The following STK32B variants were observed in gnomAD, a reference collection of about 807,000 sequenced individuals.
The protein encoded by STK32B is serine/threonine kinase 32B, also known as serine/threonine-protein kinase 32B.
In STK32B, 43 loss-of-function variants were observed where a neutral mutation model predicts 52.6. That is an observed-to-expected ratio of 0.82 (90% CI 0.64 to 1.05). The LOEUF is 1.05. Ranked by LOEUF, STK32B falls within the 50% of genes least tolerant of loss-of-function variation. The pLI is 0.00. For missense variants in STK32B, 621 were observed against 534.6 expected (o/e 1.16, Z -1.59); for synonymous variants, 238 against 204.3 (o/e 1.17, Z -1.41).
At position 5,234,519 on chromosome 4, in the gene STK32B, A is replaced by T. The variant is rs1724496679; in HGVS notation, c.260+66069A>T. ...GCACATAGAAAGGGCTCAATAAAAA[A>T]TATTGATTAAATCTGTACCTATCAA... On this transcript the variant is annotated intron_variant, in intron 3 of 11. Transcript: ENST00000282908. Among the ~76,000 whole-genome samples the T allele has an allele frequency of 2.0e-5, 3 of 151,896 alleles. No homozygotes were observed. In the South Asian group the frequency reaches 6.2e-4, roughly 32 times the overall value.
In STK32B at chr4:5,499,913, C is replaced by T. The variant is rs1190179299; in HGVS notation, c.*830C>T. ...GAAAGCCCAGACCTGCAGCAGAACT[C>T]TCCAACTCTCTATCAGCTTTCAGGG... On this transcript the variant is annotated 3_prime_UTR_variant, in exon 12 of 12. Transcript: ENST00000282908. The T allele has an allele frequency of 1.3e-5, 2 of 152,340 alleles. No individual in the cohort carries two copies. The highest frequency in any genetic ancestry group is 2.9e-5 in the Non-Finnish European group (2 of 68,140). 9.4% of individuals were successfully genotyped at this position (152,340 alleles called of 1,614,324 possible).
intron 1 of STK32B, among the ~76,000 whole-genome samples, chr4:5,062,971 G>A (rs1742273395): frequency 6.6e-6 from 1 of 152,124 alleles, no homozygotes; most frequent in African/African-American, 2.4e-5. Flanking sequence ...TTACTATAGT[G>A]TAACTCATTT....
chr4:5,148,358 T>C (rs1717085211), intron 2 of STK32B, among the ~76,000 whole-genome samples: 1 of 151,808 alleles, frequency 6.6e-6, no homozygotes, highest in South Asian at 2.1e-4. Context: ...GACATTTTGT[T>C]CTAATATAAG....
chr4:5,102,830 A>C, intron 1 of STK32B, among the ~76,000 whole-genome samples: 1 of 134,786 alleles, frequency 7.4e-6, no homozygotes, highest in South Asian at 2.7e-4. Flanking sequence ...GGCGTGAGTC[A>C]CCGCACTCGA....
At chr4:5,272,031 C>T (rs201565249) in intron 3 of STK32B, among the ~76,000 whole-genome samples, 4,657 of 145,668 alleles carry the variant, frequency 0.032, 123 homozygotes, top group African/African-American at 0.073. Context: ...GCCAGAACTT[C>T]CAACACTATG....
At position 5,272,791 on chromosome 4, in the gene STK32B, T is replaced by G. The variant is rs866498078; in HGVS notation, c.261-58429T>G. 7.6e-3 allele frequency among the ~76,000 whole-genome samples: 1,046 copies of G among 138,074 alleles called. 5 individuals carry two copies. Among genetic ancestry groups the G allele is most frequent in the African/African-American group, 0.024 (886 of 36,632 alleles). The allele number at this position is 138,074 out of a possible 152,430, so 90.6% of individuals were successfully genotyped here. A position where few individuals can be genotyped will look rare whatever the true frequency, so the allele number is the denominator to read the frequency against. On this transcript the variant is annotated intron_variant, in intron 3 of 11. Transcript: ENST00000282908. ...GCTGGGAAAACTGGCTAGCCATATG[T>G]AGAAAGCTGAAACTGGATCCCTTCC...
At chr4:5,192,204 C>G (rs1721263176) in intron 3 of STK32B, among the ~76,000 whole-genome samples, 1 of 152,200 alleles carries the variant, frequency 6.6e-6, no homozygotes, top group South Asian at 2.1e-4. Flanking sequence ...ATGACATTTT[C>G]TTAGAAAACC....
chr4:5,154,587 T>A (rs772552010), intron 2 of STK32B, among the ~76,000 whole-genome samples: 8 of 152,126 alleles, frequency 5.3e-5, no homozygotes, highest in Non-Finnish European at 1.2e-4. Context: ...AGGATCTGGG[T>A]ATCCACATGG....
At chr4:5,410,343 G>A (rs1711568007) in intron 5 of STK32B, among the ~76,000 whole-genome samples, 2 of 151,748 alleles carry the variant, frequency 1.3e-5, no homozygotes, top group Non-Finnish European at 2.9e-5. Flanking sequence ...GATGGGGAGA[G>A]ATGTTCACCT....
rs139744392 is a variant in STK32B, at chr4:5,410,588, G to A, written c.473-6257G>A. On this transcript the variant is annotated intron_variant, in intron 5 of 11. Coordinates refer to ENST00000282908, the MANE Select transcript of STK32B (RefSeq NM_018401.3). ...CAGACGTCCTCTTCTCCCAGGCTGT[G>A]GTCTTGGAGGTCCCAGTAAGACTGC... is the stretch of plus-strand genomic sequence containing the variant. Among the ~76,000 whole-genome samples, 384 of 152,238 alleles carry A rather than the reference G, an allele frequency of 2.5e-3. 5 individuals carry two copies. Among genetic ancestry groups the A allele is most frequent in the Admixed American group, 0.016 (245 of 15,290 alleles).
At chr4:5,424,979 A>G (rs778577030) in intron 6 of STK32B, among the ~76,000 whole-genome samples, 10 of 152,336 alleles carry the variant, frequency 6.6e-5, no homozygotes, top group Admixed American at 2.0e-4. Flanking sequence ...GCCACAGTGG[A>G]AGCCACTTGC....
Position 5,453,731 on chromosome 4 carries a change from C to T in STK32B, c.667-3076C>T, listed in dbSNP as rs187006230. Reference sequence around the variant, plus strand: ...CCAACCTGGCCAACATGGTAAAACCCGGTCTCTACTAAAAATAAAAAAGAT... The same window carrying T: ...CCAACCTGGCCAACATGGTAAAACCTGGTCTCTACTAAAAATAAAAAAGAT... On this transcript the variant is annotated intron_variant, in intron 7 of 11. Coordinates refer to ENST00000282908, the MANE Select transcript of STK32B (RefSeq NM_018401.3). The surrounding 1 kb of genome is among the most constrained non-coding windows in gnomAD (Gnocchi z 4.0). Among the ~76,000 whole-genome samples, 4 of 152,070 alleles carry T rather than the reference C, an allele frequency of 2.6e-5. No individual in the cohort carries two copies. Among genetic ancestry groups the T allele is most frequent in the African/African-American group, 7.2e-5 (3 of 41,434 alleles).
chr4:5,416,981 T>A, intron 6 of STK32B, 47 bp downstream of exon 6: 1 of 1,526,462 alleles, frequency 6.6e-7, no homozygotes, highest in Non-Finnish European at 8.9e-7. Flanking sequence ...GCTCACTGCC[T>A]AAGACTCAGC....
At chr4:5,032,368 G>C in the STK32B span, among the ~76,000 whole-genome samples, 2 of 151,290 alleles carry the variant, frequency 1.3e-5, no homozygotes, top group Non-Finnish European at 2.9e-5. Flanking sequence ...AGCTACTCAG[G>C]AGGCTGAGGT....
At chr4:5,390,506 G>A (rs541910034) in intron 4 of STK32B, among the ~76,000 whole-genome samples, 34 of 152,232 alleles carry the variant, frequency 2.2e-4, no homozygotes, top group African/African-American at 7.5e-4. Context: ...CATATTTTCA[G>A]TAACCCTTTT....
rs1046200958 is a variant in STK32B, at chr4:5,124,708, G to T, written c.53-15197G>T. 2.0e-5 allele frequency among the ~76,000 whole-genome samples: 3 copies of T among 152,232 alleles called. No homozygotes were observed. In the East Asian group the frequency reaches 5.8e-4, roughly 29 times the overall value. Reference sequence around the variant, plus strand: ...TGTGTGCACACATGTGTACATGTCTGTGTGCATGCACCTGTATGCATGTGT... The same window carrying T: ...TGTGTGCACACATGTGTACATGTCTTTGTGCATGCACCTGTATGCATGTGT... On this transcript the variant is annotated intron_variant, in intron 1 of 11. Transcript: ENST00000282908.
intron 2 of STK32B, among the ~76,000 whole-genome samples, chr4:5,143,605 A>C (rs1000049483): frequency 1.3e-5 from 2 of 152,186 alleles, no homozygotes; most frequent in Non-Finnish European, 2.9e-5. Context: ...AACAGATCTC[A>C]GGACCAGTTC....
intron 3 of STK32B, among the ~76,000 whole-genome samples, chr4:5,320,445 G>A (rs1300226485): frequency 6.6e-6 from 1 of 152,096 alleles, no homozygotes; most frequent in Non-Finnish European, 1.5e-5. Context: ...ATTTCACATG[G>A]CTTAACCCTG....
chr4:5,168,413 A>G lies in STK32B; in HGVS notation c.223A>G (p.Met75Val). ...VRNVFRELQI[M>V]QGLEHPFLVN... ...GAATGTTTTCCGGGAGCTGCAGATC[A>G]TGCAAGGGCTGGAGCACCCCTTCCT... The change falls in exon 3 of 12, where the codon ATG becomes GTG. Residue 75 changes from methionine to valine, a missense_variant. Physicochemically the swap from Met to Val is conservative, Grantham distance 21. Transcript: ENST00000282908. 1 of 1,613,934 alleles carries G rather than the reference A, an allele frequency of 6.2e-7. No individual in the cohort carries two copies. Among genetic ancestry groups the G allele is most frequent in the Non-Finnish European group, 8.5e-7 (1 of 1,179,956 alleles).
Sources: allele counts gnomAD v4.1 joint callset (sites outside exome capture counted in the v4.1 genomes callset), GRCh38; gene constraint gnomAD v4.1.1; non-coding constraint Gnocchi (gnomAD v3.1); transcripts MANE v1.5; gene names NCBI Gene and HGNC (gene_info 2026-07-23, HGNC 2026-07-21).